Variants in XRN1 observed in about 807,000 individuals in gnomAD.
XRN1 encodes the protein 5'-3' exoribonuclease 1.
XRN1 carries 67 observed loss-of-function variants against 222.3 expected under a neutral mutation model. The ratio of observed to expected loss-of-function variants is 0.30; its 90% CI spans 0.25 to 0.37. The LOEUF is 0.37. Among genes scored for constraint, XRN1 ranks in the 10% least tolerant of loss-of-function variants. XRN1 has a pLI of 1.00. For synonymous variants in XRN1, 643 were observed against 652.4 expected (o/e 0.99, Z 0.22); for missense variants, 1,707 against 2,000.2 (o/e 0.85, Z 2.80).
At chr3:142,430,708 T>C (rs2069483744) in intron 2 of XRN1, among the ~76,000 whole-genome samples, 1 of 152,242 alleles carries the variant, frequency 6.6e-6, no homozygotes, top group East Asian at 1.9e-4. Context: ...CTTGCCATTA[T>C]GATTGAAGGA....
intron 20 of XRN1, 104 bp from the exon 21 acceptor site, chr3:142,384,789 G>A: frequency 1.1e-6 from 1 of 892,428 alleles, no homozygotes; most frequent in Non-Finnish European, 1.6e-6. Flanking sequence ...AATCAAGTGT[G>A]TAAATAAACT....
At chr3:142,368,560 C>T (rs990313067) in intron 27 of XRN1, among the ~76,000 whole-genome samples, 1 of 152,210 alleles carries the variant, frequency 6.6e-6, no homozygotes, top group Admixed American at 6.5e-5. Context: ...TTAGAAAGCT[C>T]TGAATCCAAA....
In XRN1 at chr3:142,397,901, T is replaced by C. The variant is rs182204814; in HGVS notation, c.2208-441A>G. ...GAAAATTACATGTCATATACATGGA[T>C]CAAAATATCACATGTATTCTACAAA... On this transcript the variant is annotated intron_variant, in intron 19 of 40. Transcript: ENST00000392981. Among the ~76,000 whole-genome samples, 36 of 152,278 alleles carry C rather than the reference T, an allele frequency of 2.4e-4. No homozygotes were observed. The South Asian group carries it at 5.6e-3, about 24-fold the overall frequency.
intron 39 of XRN1, 142 bp from the exon 40 acceptor site, chr3:142,312,900 C>G: frequency 1.1e-6 from 1 of 940,520 alleles, no homozygotes. Context: ...CCTATAATTA[C>G]TCTTCCTTAC....
At chr3:142,343,191 C>A (rs1247591968) in intron 33 of XRN1, among the ~76,000 whole-genome samples, 1 of 152,088 alleles carries the variant, frequency 6.6e-6, no homozygotes, top group Non-Finnish European at 1.5e-5. Flanking sequence ...GCCAGGCGCT[C>A]ACACCTGTAA....
chr3:142,359,147 A>G (rs962399639), intron 30 of XRN1, among the ~76,000 whole-genome samples: 1 of 152,108 alleles, frequency 6.6e-6, no homozygotes, highest in Admixed American at 6.5e-5. Flanking sequence ...ATAACTTTAA[A>G]CTTTCTATTG....
intron 5 of XRN1, among the ~76,000 whole-genome samples, chr3:142,424,405 G>T (rs950018228): frequency 6.6e-6 from 1 of 152,158 alleles, no homozygotes; most frequent in Admixed American, 6.5e-5. Flanking sequence ...CTCTCACACA[G>T]TATTCTAATA....
chr3:142,432,549 G>T, intron 2 of XRN1, 112 bp downstream of exon 2: 1 of 1,034,460 alleles, frequency 9.7e-7, no homozygotes, highest in Non-Finnish European at 1.4e-6. Context: ...TTCTGGGGGA[G>T]TTTACGCAGA....
intron 37 of XRN1, among the ~76,000 whole-genome samples, chr3:142,322,961 G>C (rs1471574952): frequency 2.0e-5 from 3 of 152,114 alleles, no homozygotes; most frequent in Non-Finnish European, 2.9e-5. Flanking sequence ...TGAGATCACA[G>C]CACTGCACTC....
At chr3:142,363,891 A>G (rs531410917) in intron 29 of XRN1, among the ~76,000 whole-genome samples, 1 of 152,332 alleles carries the variant, frequency 6.6e-6, no homozygotes, top group Admixed American at 6.5e-5. Flanking sequence ...GATTTCACTG[A>G]CATTTTAACA....
chr3:142,423,750 T>C (rs2069134283), intron 5 of XRN1, 108 bp from the exon 6 acceptor site: 1 of 772,418 alleles, frequency 1.3e-6, no homozygotes, highest in Non-Finnish European at 1.9e-6. Flanking sequence ...AAGAAACAAT[T>C]AGCACATTAA....
rs774201743 is a variant in XRN1 at position 142,332,529 on chromosome 3, T to G, written c.4068A>C (p.Gly1356=). The G allele has an allele frequency of 7.5e-6, 12 of 1,606,850 alleles. No homozygotes were observed. Among genetic ancestry groups the G allele is most frequent in the Non-Finnish European group, 1.0e-5 (12 of 1,176,646 alleles). ...TTAGAATTTCTTTAAGCATCCGTGT[T>G]CCCTTCTTTTTGAAAATGATTCACA... ...HLSPQSFAMK[G]TRMLKEILKI... is the part of the protein sequence containing the mutation. The change falls in exon 36 of 41, where the codon GGA becomes GGC. Residue 1356 remains glycine, a synonymous_variant. Transcript: ENST00000392981.
intron 34 of XRN1, among the ~76,000 whole-genome samples, chr3:142,334,087 G>A (rs190772960): frequency 1.3e-5 from 2 of 152,106 alleles, no homozygotes; most frequent in Admixed American, 1.3e-4. Flanking sequence ...CTTTAAAATC[G>A]TATGTATTTT....
chr3:142,335,350 A>T, intron 34 of XRN1, 98 bp downstream of exon 34: 1 of 1,153,010 alleles, frequency 8.7e-7, no homozygotes, highest in Non-Finnish European at 1.3e-6. Context: ...CACCTTATAA[A>T]TTTGGTTGAA....
At chr3:142,403,488 T>C (rs183883929) in intron 18 of XRN1, among the ~76,000 whole-genome samples, 186 bp downstream of exon 18, 2 of 152,292 alleles carry the variant, frequency 1.3e-5, no homozygotes, top group Non-Finnish European at 2.9e-5. Flanking sequence ...GTATATTCAT[T>C]GTGTCACAGT....
intron 29 of XRN1, among the ~76,000 whole-genome samples, chr3:142,362,350 C>A (rs1394409418): frequency 6.6e-6 from 1 of 152,086 alleles, no homozygotes; most frequent in Non-Finnish European, 1.5e-5. Context: ...ATTGGCCAGG[C>A]TAATCTCAAA....
rs532785702 is a variant in XRN1, at chr3:142,397,095, A to C, written c.2339+234T>G. ...AAGTGTTATTCCTAGTATTACATTAATTTGTCATTTTTTTTCTATACTTCA... is the reference window on the plus strand; with the variant it reads ...AAGTGTTATTCCTAGTATTACATTACTTTGTCATTTTTTTTCTATACTTCA... On this transcript the variant is annotated intron_variant, in intron 20 of 40. Coordinates refer to ENST00000392981, the MANE Select transcript of XRN1 (RefSeq NM_001282857.2). Among the ~76,000 whole-genome samples, 3 of 151,968 alleles carry C rather than the reference A, an allele frequency of 2.0e-5. No homozygotes were observed. The South Asian group carries it at 6.2e-4, about 32-fold the overall frequency.
intron 36 of XRN1, among the ~76,000 whole-genome samples, chr3:142,331,437 A>G (rs1227099460): frequency 2.6e-5 from 4 of 152,140 alleles, no homozygotes; most frequent in African/African-American, 4.8e-5. Context: ...TATTTTTACA[A>G]CAGTTAGGTT....
chr3:142,320,221 T>A (rs1560283867), intron 37 of XRN1, among the ~76,000 whole-genome samples: 1 of 152,188 alleles, frequency 6.6e-6, no homozygotes, highest in East Asian at 1.9e-4. Context: ...TTTTGCTACA[T>A]CCTTGCCAAA....
Sources: gnomAD v4.1 joint callset for allele counts (sites outside exome capture counted in the v4.1 genomes callset) on GRCh38, gnomAD v4.1.1 for gene constraint, MANE v1.5 for transcripts, NCBI Gene and HGNC (gene_info 2026-07-23, HGNC 2026-07-21) for gene names.